The following ZNF521 variants were observed in gnomAD, a reference collection of about 807,000 sequenced individuals.
ZNF521 encodes the protein LYST-interacting protein 3.
ZNF521 carries 14 observed loss-of-function variants against 105.5 expected under a neutral mutation model. That is an observed-to-expected ratio of 0.13 (90% CI 0.09 to 0.21). The LOEUF is 0.21. Among genes scored for constraint, ZNF521 ranks in the 10% least tolerant of loss-of-function variants. The probability of loss-of-function intolerance (pLI) is 1.00; values close to 1 mark genes in which losing one functional copy is unlikely to be tolerated. For missense variants in ZNF521, 1,233 were observed against 1,629.7 expected (o/e 0.76, Z 4.19); for synonymous variants, 635 against 606.0 (o/e 1.05, Z -0.70).
intron 7 of ZNF521, among the ~76,000 whole-genome samples, chr18:25,088,471 G>A (rs1009466353): frequency 4.0e-5 from 6 of 151,770 alleles, no homozygotes; most frequent in East Asian, 1.9e-4. Context: ...CTCCCACCTC[G>A]GCCTCCCAAA....
rs1324200712 is a variant in ZNF521, at chr18:25,089,964, A to G, written c.3791-384T>C. 2.0e-5 allele frequency among the ~76,000 whole-genome samples: 3 copies of G among 152,188 alleles called. No individual in the cohort carries two copies. In the East Asian group the frequency reaches 5.8e-4, roughly 29 times the overall value. On this transcript the variant is annotated intron_variant, in intron 6 of 7. Coordinates refer to ENST00000361524, the MANE Select transcript of ZNF521 (RefSeq NM_015461.3). ...AAAACCCTGTTTATTGTGTTTGCCTAAAGTTATAGCTAGCAAACAGTTCTC... is the reference window on the plus strand; with the variant it reads ...AAAACCCTGTTTATTGTGTTTGCCTGAAGTTATAGCTAGCAAACAGTTCTC...
At position 25,062,428 on chromosome 18, in the gene ZNF521, T is replaced by C. The variant is rs1450057604; in HGVS notation, c.*284A>G. ...AAGCCATTTTGGTCATAGTCTTTTTTTTTTTTTAATCTTGCCTGAATAGGG... is the reference window on the plus strand; with the variant it reads ...AAGCCATTTTGGTCATAGTCTTTTTCTTTTTTTAATCTTGCCTGAATAGGG... On this transcript the variant is annotated 3_prime_UTR_variant, in exon 8 of 8. Coordinates refer to ENST00000361524, the MANE Select transcript of ZNF521 (RefSeq NM_015461.3). 5.5e-6 allele frequency: 2 copies of C among 361,852 alleles called. No individual in the cohort carries two copies. Among genetic ancestry groups the C allele is most frequent in the African/African-American group, 4.2e-5 (2 of 47,600 alleles). The allele number at this position is 361,852 out of a possible 1,614,324, so 22.4% of individuals were successfully genotyped here. A position where few individuals can be genotyped will look rare whatever the true frequency, so the allele number is the denominator to read the frequency against.
chr18:25,077,606 TTA>T (rs1239636369), intron 7 of ZNF521, among the ~76,000 whole-genome samples: 2 of 152,082 alleles, frequency 1.3e-5, no homozygotes, highest in Non-Finnish European at 1.5e-5. Flanking sequence ...CGTCCATGCG[TTA>T]TGTTTCCGAA....
rs532604293 is a variant in ZNF521, at chr18:25,244,662, C to T, written c.221-16965G>A. On this transcript the variant is annotated intron_variant, in intron 3 of 7. Coordinates refer to ENST00000361524, the MANE Select transcript of ZNF521 (RefSeq NM_015461.3). ...TTACTGTTGTTCCAGCGGTCTCTAACACAAACCAGAGGTATCTTTATGTGA... is the reference window on the plus strand; with the variant it reads ...TTACTGTTGTTCCAGCGGTCTCTAATACAAACCAGAGGTATCTTTATGTGA... 1.1e-4 allele frequency among the ~76,000 whole-genome samples: 16 copies of T among 152,344 alleles called. 1 individual carries two copies. The South Asian group carries it at 3.3e-3, about 32-fold the overall frequency.
chr18:25,342,268 A>ACAACCCCAAACCCCC (rs1914238579), intron 2 of ZNF521, among the ~76,000 whole-genome samples: 1 of 152,138 alleles, frequency 6.6e-6, no homozygotes, highest in Non-Finnish European at 1.5e-5. Context: ...TTGCACACTG[A>ACAACCCCAAACCCCC]CAACCCCAAA....
intron 3 of ZNF521, among the ~76,000 whole-genome samples, chr18:25,272,054 A>C (rs767773196): frequency 1.3e-5 from 2 of 152,214 alleles, no homozygotes; most frequent in Non-Finnish European, 2.9e-5. Context: ...AAAGAACTTA[A>C]ACAAATTTGC....
chr18:25,350,362 G>A (rs1157429699), intron 2 of ZNF521, among the ~76,000 whole-genome samples: 2 of 152,164 alleles, frequency 1.3e-5, no homozygotes, highest in East Asian at 2.0e-4. Context: ...CTCCGGCGAC[G>A]TGCGGAGAGG....
At position 25,331,470 on chromosome 18, in the gene ZNF521, A is replaced by G. The variant is rs529220435; in HGVS notation, c.41-9283T>C. Among the ~76,000 whole-genome samples, 277 of 152,358 alleles carry G rather than the reference A, an allele frequency of 1.8e-3. 1 individual carries two copies. The highest frequency in any genetic ancestry group is 6.2e-3 in the African/African-American group (257 of 41,592). On this transcript the variant is annotated intron_variant, in intron 2 of 7. Coordinates refer to ENST00000361524, the MANE Select transcript of ZNF521 (RefSeq NM_015461.3). ...ACCAATTTTTGAACCTAGGATTTAG[A>G]CATTTGGACATTTGCGAAAGAATCT...
At chr18:25,241,365 T>C (rs1907319412) in intron 3 of ZNF521, among the ~76,000 whole-genome samples, 2 of 152,206 alleles carry the variant, frequency 1.3e-5, no homozygotes, top group African/African-American at 4.8e-5. Context: ...GGAGATATTA[T>C]CAAACCACAA....
intron 2 of ZNF521, among the ~76,000 whole-genome samples, chr18:25,336,182 C>T (rs769426834): frequency 6.6e-6 from 1 of 152,186 alleles, no homozygotes; most frequent in African/African-American, 2.4e-5. Context: ...CATTCAATCT[C>T]TATACCCACA....
At chr18:25,273,219 C>CAAAAAAAAAAAAAAAAAAAAA (rs1909787262) in intron 3 of ZNF521, among the ~76,000 whole-genome samples, 1 of 13,932 alleles carries the variant, frequency 7.2e-5, no homozygotes, top group South Asian at 5.2e-3. Context: ...AACCCTGTCT[C>CAAAAAAAAAAAAAAAAAAAAA]CAAAAAAAAA....
intron 2 of ZNF521, 152 bp downstream of exon 2, chr18:25,350,755 T>A: frequency 6.6e-6 from 4 of 607,880 alleles, no homozygotes; most frequent in Admixed American, 3.5e-5. Flanking sequence ...TCACTCCACC[T>A]AGGGGCTCAG....
intron 2 of ZNF521, among the ~76,000 whole-genome samples, chr18:25,341,119 CATT>C (rs1914178668): frequency 6.6e-6 from 1 of 152,174 alleles, no homozygotes; most frequent in Non-Finnish European, 1.5e-5. Context: ...CACCCAATAT[CATT>C]ATCCTTAAAT....
chr18:25,245,348 C>A (rs1400774650), intron 3 of ZNF521, among the ~76,000 whole-genome samples: 1 of 152,180 alleles, frequency 6.6e-6, no homozygotes, highest in African/African-American at 2.4e-5. Context: ...TGGACACATG[C>A]ATAGTCTCCC....
chr18:25,203,034 T>A (rs2036018768), intron 4 of ZNF521, among the ~76,000 whole-genome samples: 1 of 152,190 alleles, frequency 6.6e-6, no homozygotes, highest in Non-Finnish European at 1.5e-5. Flanking sequence ...GCCTGGCACA[T>A]GGCAACACCT....
chr18:25,249,066 AT>A (rs1305634240), intron 3 of ZNF521, among the ~76,000 whole-genome samples: 3 of 152,172 alleles, frequency 2.0e-5, no homozygotes, highest in African/African-American at 7.2e-5. Flanking sequence ...CAATCCTTGA[AT>A]TACAGCATTG....
chr18:25,117,024 T>TAC (rs1306857674), intron 5 of ZNF521, among the ~76,000 whole-genome samples: 73 of 122,500 alleles, frequency 6.0e-4, no homozygotes, highest in African/African-American at 2.1e-3. Flanking sequence ...CACACATATA[T>TAC]ATATACATAC....
chr18:25,318,370 T>C (rs551589124), intron 3 of ZNF521, among the ~76,000 whole-genome samples: 18 of 152,338 alleles, frequency 1.2e-4, no homozygotes, highest in African/African-American at 3.6e-4. Flanking sequence ...AAAGAAATTA[T>C]ATCTTAAGAA....
intron 4 of ZNF521, among the ~76,000 whole-genome samples, chr18:25,214,170 T>G (rs2036241023): frequency 6.6e-6 from 1 of 152,164 alleles, no homozygotes; most frequent in Non-Finnish European, 1.5e-5. Context: ...CATCACAGAT[T>G]AGTTTTGTCC....
Sources: allele counts gnomAD v4.1 joint callset (sites outside exome capture counted in the v4.1 genomes callset), GRCh38; gene constraint gnomAD v4.1.1; transcripts MANE v1.5; gene names NCBI Gene and HGNC (gene_info 2026-07-23, HGNC 2026-07-21).